COX20: variants seen among roughly 807,000 people sequenced by gnomAD.
COX20 encodes the protein cytochrome c oxidase assembly factor COX20.
In COX20, 14 loss-of-function variants were observed where a neutral mutation model predicts 14.3. That is an observed-to-expected ratio of 0.98 (90% confidence interval 0.65 to 1.53). The LOEUF is 1.53. COX20 is among the 40% of genes most tolerant of loss of function. The probability of loss-of-function intolerance (pLI) is 0.00; values close to 1 mark genes in which losing one functional copy is unlikely to be tolerated. For synonymous variants in COX20, 56 were observed against 51.7 expected, an observed-to-expected ratio of 1.08 and a Z score of -0.36; for missense variants, 149 against 142.1, an observed-to-expected ratio of 1.05 and a Z score of -0.25.
At chr1:244,837,638 C>G (rs1342766614) in intron 1 of COX20, among the ~76,000 whole-genome samples, 1 of 152,204 alleles carries the variant, frequency 6.6e-6, no homozygotes, top group Non-Finnish European at 1.5e-5. Context: ...GAGTATTAGA[C>G]ACTGAACGAG....
At chr1:244,837,216 A>G (rs1316200566) in intron 1 of COX20, among the ~76,000 whole-genome samples, 3 of 152,232 alleles carry the variant, frequency 2.0e-5, no homozygotes, top group Non-Finnish European at 4.4e-5. Context: ...TAAGCCTCAA[A>G]CCGAGCACAG....
At chr1:244,839,794 TTAA>T (rs1272714944) in intron 1 of COX20, 2 of 152,254 alleles carry the variant, frequency 1.3e-5, no homozygotes, top group Non-Finnish European at 2.9e-5. Flanking sequence ...TGGTTACTTC[TTAA>T]TGATGTGGTT....
intron 1 of COX20, chr1:244,840,961 T>C (rs1680177586): frequency 6.6e-6 from 1 of 152,216 alleles, no homozygotes. Flanking sequence ...GCAGCCTTAC[T>C]GAAAATTTTA....
intron 1 of COX20, chr1:244,836,630 G>A: frequency 1.0e-6 from 1 of 984,264 alleles, no homozygotes; most frequent in Admixed American, 2.6e-5. Context: ...AATGCAAGAG[G>A]AAAAAAGTTT....
At chr1:244,835,335 T>C (rs1036869426), upstream of COX20, 151 of 183,496 alleles carry the variant, frequency 8.2e-4, no homozygotes, top group African/African-American at 3.2e-3. Context: ...CCGGAGACGG[T>C]TAGAAATGGC....
At chr1:244,835,924 C>G (rs1226586522) in intron 1 of COX20, among the ~76,000 whole-genome samples, 168 bp downstream of exon 1, 1 of 152,170 alleles carries the variant, frequency 6.6e-6, no homozygotes, top group Non-Finnish European at 1.5e-5. Context: ...ACATTTTAAT[C>G]TAAGTGGCCG....
At chr1:244,839,371 T>TA (rs1680104109) in intron 1 of COX20, among the ~76,000 whole-genome samples, 1 of 152,192 alleles carries the variant, frequency 6.6e-6, no homozygotes, top group African/African-American at 2.4e-5. Context: ...GAGCTTTCCT[T>TA]AGATTGATCA....
chr1:244,835,738 T>G lies in COX20; in HGVS notation c.24T>G (p.Gly8=), dbSNP rs915488593. The change falls in exon 1 of 4, where the codon GGT becomes GGG. Residue 8 remains glycine (G), a synonymous_variant. Coordinates refer to ENST00000411948, the MANE Select transcript of COX20 (RefSeq NM_198076.6). MAAPPEP[G]EPEERKSLKL... The stretch of plus-strand genomic sequence containing the variant: ...TCATGGCCGCCCCGCCGGAGCCCGG[T>G]GAGCCCGAGGAGAGGAAGGTAACCT... 1 of 1,272,914 alleles carries G rather than the reference T, an allele frequency of 7.9e-7. No homozygotes were observed. Among genetic ancestry groups the G allele is most frequent in the Non-Finnish European group, 9.9e-7 (1 of 1,006,158 alleles). 78.9% of individuals were successfully genotyped at this position (1,272,914 alleles called of 1,614,324 possible).
chr1:244,838,194 C>G (rs1680059056), intron 1 of COX20, among the ~76,000 whole-genome samples: 1 of 152,080 alleles, frequency 6.6e-6, no homozygotes, highest in Non-Finnish European at 1.5e-5. Flanking sequence ...AAGGATGACT[C>G]TTAGTTTTTG....
At chr1:244,837,362 C>T (rs10927332) in intron 1 of COX20, among the ~76,000 whole-genome samples, 33,419 of 151,898 alleles carry the variant, frequency 0.22, 4,651 homozygotes, top group African/African-American at 0.38. Flanking sequence ...AGGAAGCCTG[C>T]GGTTATTTTT....
chr1:244,841,742 G>T (rs1005642145), intron 1 of COX20: 9 of 504,354 alleles, frequency 1.8e-5, no homozygotes, highest in Admixed American at 3.4e-5. Flanking sequence ...GGTCCAATTT[G>T]TAAGGTTTTC....
upstream of COX20, chr1:244,835,440 C>A: frequency 5.6e-6 from 2 of 355,066 alleles, no homozygotes; most frequent in Non-Finnish European, 1.0e-5. Context: ...GGTTTGTTTT[C>A]CGAACCCATC....
intron 1 of COX20, among the ~76,000 whole-genome samples, chr1:244,836,057 A>C (rs574649869): frequency 6.6e-6 from 1 of 152,328 alleles, no homozygotes; most frequent in East Asian, 1.9e-4. Flanking sequence ...TGCTAAGGGC[A>C]CTGCACTGTA....
At chr1:244,842,695 G>A (rs2102976198) in intron 3 of COX20, 1 of 234,182 alleles carries the variant, frequency 4.3e-6, no homozygotes, top group Non-Finnish European at 8.3e-6. Context: ...ATTTAAGGTG[G>A]TAGAAATCAT....
chr1:244,837,265 A>T (rs1178988823), intron 1 of COX20, among the ~76,000 whole-genome samples: 1 of 152,230 alleles, frequency 6.6e-6, no homozygotes, highest in Non-Finnish European at 1.5e-5. Flanking sequence ...ATTGCTCATG[A>T]AACAGTAGTA....
intron 1 of COX20, among the ~76,000 whole-genome samples, chr1:244,838,765 TGA>T (rs1361642981): frequency 6.6e-6 from 1 of 151,622 alleles, no homozygotes; most frequent in African/African-American, 2.4e-5. Flanking sequence ...AGGTGGCTGA[TGA>T]GAGGAGAGGG....
At chr1:244,838,218 G>A (rs1261859477) in intron 1 of COX20, among the ~76,000 whole-genome samples, 2 of 152,160 alleles carry the variant, frequency 1.3e-5, no homozygotes, top group African/African-American at 4.8e-5. Context: ...CTGAAAATTG[G>A]TTGAGTAGTG....
intron 1 of COX20, chr1:244,841,341 A>G (rs1451411929): frequency 6.6e-6 from 1 of 152,272 alleles, no homozygotes; most frequent in Non-Finnish European, 1.5e-5. Flanking sequence ...ATTACGAACA[A>G]AGAATCAAAT....
At chr1:244,836,263 A>G (rs1483163311) in intron 1 of COX20, among the ~76,000 whole-genome samples, 1 of 151,920 alleles carries the variant, frequency 6.6e-6, no homozygotes, top group Non-Finnish European at 1.5e-5. Context: ...CTGTCTCCAT[A>G]CTCTCCTGAA....
Sources: allele counts gnomAD v4.1 joint callset (sites outside exome capture counted in the v4.1 genomes callset), GRCh38; gene constraint gnomAD v4.1.1; transcripts MANE v1.5; gene names NCBI Gene and HGNC (gene_info 2026-07-23, HGNC 2026-07-21).